Variants in GPC6 observed in about 807,000 individuals in gnomAD.
GPC6 encodes glypican 6.
A neutral mutation model predicts 55.2 loss-of-function variants in GPC6; 14 were observed. The observed-to-expected ratio is 0.25, with a 90% CI of 0.17 to 0.40. GPC6 has a LOEUF of 0.40. Ranked by LOEUF, GPC6 falls within the 10% of genes least tolerant of loss-of-function variation. GPC6 has a pLI of 1.00. For synonymous variants in GPC6, 278 were observed against 259.6 expected (o/e 1.07, Z -0.68); for missense variants, 641 against 708.5 (o/e 0.90, Z 1.08).
At chr13:93,549,562 C>T (rs1875023454) in intron 2 of GPC6, among the ~76,000 whole-genome samples, 1 of 152,064 alleles carries the variant, frequency 6.6e-6, no homozygotes, top group African/African-American at 2.4e-5. Flanking sequence ...GGATTCCATC[C>T]CAGGCTGAGC....
chr13:93,650,124 A>G (rs1331919543), intron 2 of GPC6, among the ~76,000 whole-genome samples: 1 of 152,148 alleles, frequency 6.6e-6, no homozygotes, highest in African/African-American at 2.4e-5. Flanking sequence ...TGCTGCTACA[A>G]TTCAAATAAT....
chr13:93,242,639 A>C (rs1471717424), intron 1 of GPC6, among the ~76,000 whole-genome samples: 1 of 152,142 alleles, frequency 6.6e-6, no homozygotes, highest in Non-Finnish European at 1.5e-5. Context: ...GAAGAATTGT[A>C]GTCTTCCCAC....
At chr13:93,674,898 C>CT (rs1331636125) in intron 2 of GPC6, among the ~76,000 whole-genome samples, 1 of 152,138 alleles carries the variant, frequency 6.6e-6, no homozygotes, top group Non-Finnish European at 1.5e-5. Flanking sequence ...GTGTAAGGGA[C>CT]TTTTTATACC....
intron 1 of GPC6, among the ~76,000 whole-genome samples, chr13:93,277,161 T>C (rs1038761806): frequency 1.3e-5 from 2 of 152,184 alleles, no homozygotes; most frequent in Non-Finnish European, 2.9e-5. Context: ...ACATTACTTA[T>C]GATGTGTTGC....
chr13:94,306,601 T>G (rs1875959693), intron 6 of GPC6, among the ~76,000 whole-genome samples: 1 of 152,242 alleles, frequency 6.6e-6, no homozygotes, highest in South Asian at 2.1e-4. Flanking sequence ...TTTTTTTTCT[T>G]TTTTATGTGT....
At chr13:93,532,577 G>T (rs894349732) in intron 1 of GPC6, among the ~76,000 whole-genome samples, 3 of 152,140 alleles carry the variant, frequency 2.0e-5, no homozygotes, top group African/African-American at 7.2e-5. Flanking sequence ...TCTCACTCCA[G>T]ATGCTTTCTG....
chr13:93,732,812 G>A (rs991415802), intron 2 of GPC6, among the ~76,000 whole-genome samples: 1 of 143,510 alleles, frequency 7.0e-6, no homozygotes, highest in Admixed American at 7.2e-5. Flanking sequence ...CATTAAAAAA[G>A]TAAAAAGAAA....
chr13:94,239,812 C>T (rs913594017), intron 4 of GPC6, among the ~76,000 whole-genome samples: 6 of 152,066 alleles, frequency 3.9e-5, no homozygotes, highest in South Asian at 2.1e-4. Flanking sequence ...GGTATTAAGG[C>T]GAGAGTGTTC....
chr13:94,321,149 A>G (rs1168102709), intron 6 of GPC6, among the ~76,000 whole-genome samples: 2 of 152,136 alleles, frequency 1.3e-5, no homozygotes, highest in Non-Finnish European at 2.9e-5. Flanking sequence ...CTGCCCACTT[A>G]TAAGTGAGAA....
intron 2 of GPC6, among the ~76,000 whole-genome samples, chr13:93,590,129 T>C (rs967018995): frequency 4.9e-4 from 75 of 152,316 alleles, no homozygotes; most frequent in African/African-American, 1.8e-3. Flanking sequence ...TAATCTGTAA[T>C]CACCAGGGAA....
At chr13:93,688,723 T>G (rs1052697953) in intron 2 of GPC6, among the ~76,000 whole-genome samples, 6 of 151,872 alleles carry the variant, frequency 4.0e-5, no homozygotes, top group South Asian at 2.1e-4. Context: ...AGTGGGCAAA[T>G]TCGTAGAGAA....
At chr13:94,346,893 C>A (rs1351890733) in intron 6 of GPC6, among the ~76,000 whole-genome samples, 1 of 152,096 alleles carries the variant, frequency 6.6e-6, no homozygotes, top group Non-Finnish European at 1.5e-5. Context: ...AAGAGAGTGA[C>A]ACTTCCAGAG....
chr13:93,870,164 G>T (rs976445918), intron 3 of GPC6, among the ~76,000 whole-genome samples: 2 of 151,766 alleles, frequency 1.3e-5, no homozygotes, highest in African/African-American at 2.4e-5. Flanking sequence ...TTTTCACATA[G>T]CCTCAAGTTG....
At chr13:93,591,677 A>G (rs1445985368) in intron 2 of GPC6, among the ~76,000 whole-genome samples, 1 of 152,190 alleles carries the variant, frequency 6.6e-6, no homozygotes, top group African/African-American at 2.4e-5. Flanking sequence ...CAGGACCTGT[A>G]CTGTATGTAA....
intron 2 of GPC6, among the ~76,000 whole-genome samples, chr13:93,548,584 C>T (rs1034782412): frequency 3.3e-5 from 5 of 152,056 alleles, no homozygotes; most frequent in Non-Finnish European, 5.9e-5. Context: ...TATTGTCTTA[C>T]TTTCTCTGTC....
rs187015504 is a variant in GPC6 at position 93,622,553 on chromosome 13, A to T, written c.319+77132A>T. Among the ~76,000 whole-genome samples, 3 of 152,314 alleles carry T rather than the reference A, an allele frequency of 2.0e-5. No individual in the cohort carries two copies. In the East Asian group the frequency reaches 5.8e-4, roughly 29 times the overall value. ...TTCTTAAATCAGAGACTGGAGGGCT[A>T]CATTTTTCTTAATGATCTTCCTCTG... On this transcript the variant is annotated intron_variant, in intron 2 of 8. Transcript: ENST00000377047.
intron 2 of GPC6, among the ~76,000 whole-genome samples, chr13:93,559,406 C>T (rs1875642323): frequency 6.6e-6 from 1 of 152,160 alleles, no homozygotes; most frequent in South Asian, 2.1e-4. Flanking sequence ...AAGGATCCTA[C>T]TATGTATATT....
chr13:93,806,870 G>A (rs1471728665), intron 2 of GPC6, among the ~76,000 whole-genome samples: 1 of 152,194 alleles, frequency 6.6e-6, no homozygotes, highest in South Asian at 2.1e-4. Flanking sequence ...TACTCATCCT[G>A]TCTGTATTCT....
intron 2 of GPC6, among the ~76,000 whole-genome samples, chr13:93,600,949 C>CAAAA (rs1196219049): frequency 1.1e-4 from 3 of 27,020 alleles, no homozygotes; most frequent in Non-Finnish European, 1.6e-4. Context: ...AATTCCGCCT[C>CAAAA]AAAAAAAAAA....
Sources: allele counts gnomAD v4.1 joint callset (sites outside exome capture counted in the v4.1 genomes callset), GRCh38; gene constraint gnomAD v4.1.1; transcripts MANE v1.5; gene names NCBI Gene and HGNC (gene_info 2026-07-23, HGNC 2026-07-21).